DPY19L1: variants seen among roughly 807,000 people sequenced by gnomAD.
DPY19L1 encodes the protein protein C-mannosyl-transferase DPY19L1.
A neutral mutation model predicts 96.9 loss-of-function variants in DPY19L1; 35 were observed. The ratio of observed to expected loss-of-function variants is 0.36; its 90% CI spans 0.28 to 0.48. The LOEUF (loss-of-function observed/expected upper bound fraction) is 0.48, where lower values mean the gene tolerates loss of function less well. DPY19L1 is among the 20% of genes least tolerant of loss of function. The probability of loss-of-function intolerance (pLI) is 0.99; values close to 1 mark genes in which losing one functional copy is unlikely to be tolerated. For synonymous variants in DPY19L1, 205 were observed against 252.6 expected (o/e 0.81, Z 1.79); for missense variants, 521 against 777.9 (o/e 0.67, Z 3.93).
chr7:34,954,658 C>A (rs1288777198), intron 13 of DPY19L1, 40 bp downstream of exon 13: 9 of 1,224,742 alleles, frequency 7.3e-6, no homozygotes, highest in East Asian at 4.9e-5. Context: ...CTATTCGATT[C>A]TTTTCAAGTC....
chr7:35,026,577 A>G (rs1282136197), intron 1 of DPY19L1, among the ~76,000 whole-genome samples: 6 of 152,200 alleles, frequency 3.9e-5, no homozygotes, highest in African/African-American at 1.2e-4. Flanking sequence ...GTGACTTTAT[A>G]CAGTCCAAAC....
chr7:34,991,091 T>C (rs185464909), intron 6 of DPY19L1, among the ~76,000 whole-genome samples: 17 of 152,214 alleles, frequency 1.1e-4, no homozygotes, highest in Non-Finnish European at 2.2e-4. Context: ...ATATTAGTGG[T>C]AAGTACTTTG....
At chr7:34,973,386 T>C in intron 8 of DPY19L1, 128 bp downstream of exon 8, 1 of 486,076 alleles carries the variant, frequency 2.1e-6, no homozygotes, top group Non-Finnish European at 3.4e-6. Flanking sequence ...TACACTCTTA[T>C]AATATTTTTA....
intron 7 of DPY19L1, among the ~76,000 whole-genome samples, chr7:34,977,136 A>C (rs1372489909): frequency 3.3e-5 from 5 of 152,196 alleles, no homozygotes; most frequent in Non-Finnish European, 7.3e-5. Flanking sequence ...AATAGACTAT[A>C]GTACAGTGTA....
At chr7:35,017,394 C>T (rs898499152) in intron 3 of DPY19L1, among the ~76,000 whole-genome samples, 1 of 150,866 alleles carries the variant, frequency 6.6e-6, no homozygotes, top group African/African-American at 2.4e-5. Flanking sequence ...ACTGGGGAGG[C>T]TGAGGCAGGA....
chr7:35,009,523 G>A (rs1785648982), intron 6 of DPY19L1, among the ~76,000 whole-genome samples: 1 of 152,180 alleles, frequency 6.6e-6, no homozygotes, highest in African/African-American at 2.4e-5. Context: ...ATATTGTACA[G>A]AAGACACTTC....
At chr7:34,955,565 G>A (rs998905348) in intron 11 of DPY19L1, among the ~76,000 whole-genome samples, 198 bp from the exon 12 acceptor site, 2 of 152,124 alleles carry the variant, frequency 1.3e-5, no homozygotes, top group Admixed American at 6.5e-5. Context: ...AGTCAATTAG[G>A]TGAATGCGTG....
At chr7:34,955,509 C>T (rs894009531) in intron 11 of DPY19L1, 142 bp from the exon 12 acceptor site, 18 of 1,076,430 alleles carry the variant, frequency 1.7e-5, no homozygotes, top group African/African-American at 4.8e-5. Flanking sequence ...CATCCACATG[C>T]TCATTTCTAG....
intron 11 of DPY19L1, among the ~76,000 whole-genome samples, chr7:34,957,249 G>A (rs903752448): frequency 6.6e-6 from 1 of 152,126 alleles, no homozygotes; most frequent in African/African-American, 2.4e-5. Flanking sequence ...GGGCATGGTG[G>A]CACATGCCTG....
At position 34,961,156 on chromosome 7, in the gene DPY19L1, TTATATGGAGA is replaced by T. The variant is rs1030545240; in HGVS notation, c.1093-3096_1093-3087del. Among the ~76,000 whole-genome samples the T allele has an allele frequency of 2.0e-4, 30 of 152,280 alleles. No homozygotes were observed. The East Asian group carries it at 5.4e-3, about 27-fold the overall frequency. ...GTTACCAATAAAGTGATTCTGAAGT[TTATATGGAGA>T]TATAAACAACCCAGTATAGAGCCAA... On this transcript the variant is annotated intron_variant, in intron 10 of 21. Transcript: ENST00000638088.
intron 6 of DPY19L1, chr7:35,000,629 C>A (rs1289013850): frequency 6.6e-6 from 1 of 152,152 alleles, no homozygotes; most frequent in Non-Finnish European, 1.5e-5. Flanking sequence ...TAAACTTCCA[C>A]CTATCAAACC....
chr7:34,933,034 T>C (rs991761251), intron 21 of DPY19L1, among the ~76,000 whole-genome samples: 2 of 152,146 alleles, frequency 1.3e-5, no homozygotes, highest in Admixed American at 6.5e-5. Flanking sequence ...TATCAAAATA[T>C]AGACCTACAT....
chr7:35,000,112 T>C (rs1350131446), intron 6 of DPY19L1, among the ~76,000 whole-genome samples: 1 of 152,190 alleles, frequency 6.6e-6, no homozygotes. Flanking sequence ...ATACCCATTG[T>C]AGAGCACATT....
chr7:34,947,228 G>T (rs577711200), intron 15 of DPY19L1, among the ~76,000 whole-genome samples: 13 of 152,142 alleles, frequency 8.5e-5, no homozygotes, highest in Admixed American at 6.5e-4. Flanking sequence ...TTTTCTTTCT[G>T]ATTAATAATA....
At chr7:35,019,636 T>C (rs1353535746) in intron 1 of DPY19L1, among the ~76,000 whole-genome samples, 2 of 151,966 alleles carry the variant, frequency 1.3e-5, no homozygotes, top group African/African-American at 2.4e-5. Flanking sequence ...GAAAGAAAAA[T>C]GAAAACCAAA....
At chr7:35,036,827 C>T (rs1451516504) in intron 1 of DPY19L1, among the ~76,000 whole-genome samples, 2 of 151,852 alleles carry the variant, frequency 1.3e-5, no homozygotes, top group Non-Finnish European at 2.9e-5. Flanking sequence ...GGCCGGGCAG[C>T]TGTTGATCCC....
chr7:34,948,520 G>A (rs1784200916), intron 14 of DPY19L1, among the ~76,000 whole-genome samples: 1 of 152,152 alleles, frequency 6.6e-6, no homozygotes, highest in African/African-American at 2.4e-5. Flanking sequence ...ACAGTGATGA[G>A]GAATGGTATG....
At chr7:35,004,089 G>C (rs1041724136) in intron 6 of DPY19L1, among the ~76,000 whole-genome samples, 5 of 152,096 alleles carry the variant, frequency 3.3e-5, no homozygotes, top group African/African-American at 7.2e-5. Flanking sequence ...CTTTTGATGG[G>C]GGTGAGACAT....
Position 34,969,545 on chromosome 7 carries a change from A to G in DPY19L1, c.915-13T>C. On this transcript the variant is annotated splice_polypyrimidine_tract_variant and intron_variant, in intron 8 of 21. Coordinates refer to ENST00000638088, the MANE Select transcript of DPY19L1 (RefSeq NM_001366673.1). The stretch of plus-strand genomic sequence containing the variant: ...AAGTTTTGTAGCCCTTGAAAAGATA[A>G]AATAAGTGTTAGTAAGTTTAAACAC... 12 of 1,473,900 alleles carry G rather than the reference A, an allele frequency of 8.1e-6. No individual in the cohort carries two copies. Among genetic ancestry groups the G allele is most frequent in the Non-Finnish European group, 1.1e-5 (12 of 1,098,458 alleles). The allele number at this position is 1,473,900 out of a possible 1,614,324, so 91.3% of individuals were successfully genotyped here.
Sources: allele counts gnomAD v4.1 joint callset (sites outside exome capture counted in the v4.1 genomes callset), GRCh38; gene constraint gnomAD v4.1.1; transcripts MANE v1.5; gene names NCBI Gene and HGNC (gene_info 2026-07-23, HGNC 2026-07-21).